SHROOM2: variants seen among roughly 807,000 people sequenced by gnomAD.
SHROOM2 encodes the protein shroom family member 2.
In SHROOM2, 33 loss-of-function variants were observed where a neutral mutation model predicts 75.9. The ratio of observed to expected loss-of-function variants is 0.43; its 90% CI spans 0.33 to 0.58. The LOEUF (loss-of-function observed/expected upper bound fraction) is 0.58, where lower values mean the gene tolerates loss of function less well. Ranked by LOEUF, SHROOM2 falls within the 20% of genes least tolerant of loss-of-function variation. The pLI is 0.04. For missense variants in SHROOM2, 1,434 were observed against 1,461.2 expected (o/e 0.98, Z 0.30); for synonymous variants, 655 against 663.6 (o/e 0.99, Z 0.20).
At chrX:9,853,657 G>A (rs188427013) in intron 1 of SHROOM2, among the ~76,000 whole-genome samples, 1 of 111,754 alleles carries the variant, frequency 8.9e-6, no homozygotes, top group Admixed American at 9.5e-5. Context: ...TTGGATTAGG[G>A]CCCTCCCTAA....
rs374319773 is a variant in SHROOM2, at chrX:9,946,838, C to T, written c.4752C>T (p.Ala1584=). Reference sequence around the variant, plus strand: ...AGCACTTCGTGAAGATGAAGTCGGCCCTCATCATCGAGCAGCGGGAGCTGG... The same window carrying T: ...AGCACTTCGTGAAGATGAAGTCGGCTCTCATCATCGAGCAGCGGGAGCTGG... The part of the protein sequence containing the change: ...DYEHFVKMKS[A]LIIEQRELED... The change falls in exon 10 of 10, where the codon GCC becomes GCT. Residue 1584 remains alanine (A), a synonymous_variant. Coordinates refer to ENST00000380913, the MANE Select transcript of SHROOM2 (RefSeq NM_001649.4). The T allele has an allele frequency of 4.2e-6, 5 of 1,199,462 alleles. No homozygotes were observed. The highest frequency in any genetic ancestry group is 5.6e-6 in the Non-Finnish European group (5 of 889,421).
rs777209748 is a variant in SHROOM2 at position 9,946,922 on chromosome X, C to T, written c.4836C>T (p.Pro1612=). 1.0e-5 allele frequency: 12 copies of T among 1,194,041 alleles called. No homozygotes were observed. The highest frequency in any genetic ancestry group is 9.1e-5 in the East Asian group (3 of 33,126). ...AGTGCTTATTGGACAGCCTTCAGCC[C>T]GAAAGGGGCAAATAAGAGACCAGTC... The part of the protein sequence containing the change: ...QLKCLLDSLQ[P]ERGK Residue 1612 remains proline (P), a synonymous_variant, in exon 10 of 10, where the codon CCC becomes CCT. Transcript: ENST00000380913.
At chrX:9,805,283 T>A (rs1014442107) in intron 1 of SHROOM2, among the ~76,000 whole-genome samples, 5 of 112,394 alleles carry the variant, frequency 4.4e-5, no homozygotes, top group Admixed American at 9.4e-5. Flanking sequence ...CCAAGTAGCA[T>A]CTGCCAAATC....
chrX:9,896,294 G>T lies in SHROOM2; in HGVS notation c.2386G>T (p.Asp796Tyr). 8.2e-7 allele frequency: 1 copy of T among 1,212,311 alleles called. No individual in the cohort carries two copies. Among genetic ancestry groups the T allele is most frequent in the Non-Finnish European group, 1.1e-6 (1 of 895,611 alleles). The change falls in exon 4 of 10, where the codon GAC becomes TAC. Residue 796 changes from aspartate (D) to tyrosine (Y), a missense_variant. Around this residue, in one of 3 missense-constraint regions of SHROOM2, gnomAD observed 1,340 missense variants for 1,338.3 expected, o/e 1.00. Transcript: ENST00000380913. ...TSEDTVGTFA[D>Y]RWKFFEETSK... ...TGAGGATACTGTGGGCACGTTTGCT[G>T]ACAGGTGGAAGTTTTTTGAGGAAAC...
At chrX:9,921,145 G>A (rs1480067592) in intron 5 of SHROOM2, among the ~76,000 whole-genome samples, 1 of 111,134 alleles carries the variant, frequency 9.0e-6, no homozygotes, top group Non-Finnish European at 1.9e-5. Flanking sequence ...ATGGATCTCC[G>A]TATAGGGCTG....
In SHROOM2 at chrX:9,937,494, G is replaced by A. The variant is rs201847453; in HGVS notation, c.3948G>A (p.Ser1316=). 80 of 1,209,904 alleles carry A rather than the reference G, an allele frequency of 6.6e-5. 1 individual carries two copies. In the South Asian group the frequency reaches 7.9e-4, roughly 12 times the overall value. Reference sequence around the variant, plus strand: ...AGAAGACTGTGGAAGACCTGAAGTCGGAGGAGCTGGCCAGGGAGATCGTGG... The same window carrying A: ...AGAAGACTGTGGAAGACCTGAAGTCAGAGGAGCTGGCCAGGGAGATCGTGG... ...AKEKTVEDLK[S]EELAREIVGK... The change falls in exon 7 of 10, where the codon TCG becomes TCA. Residue 1316 remains serine, a synonymous_variant. Transcript: ENST00000380913.
intron 1 of SHROOM2, chrX:9,818,807 G>A (rs766720248): frequency 2.1e-5 from 10 of 480,907 alleles, no homozygotes; most frequent in South Asian, 3.1e-5. Flanking sequence ...ATGTTGGCCC[G>A]CTCCTCAACT....
At chrX:9,812,746 G>A (rs753576291) in intron 1 of SHROOM2, among the ~76,000 whole-genome samples, 54 of 112,386 alleles carry the variant, frequency 4.8e-4, no homozygotes, top group Non-Finnish European at 9.8e-4. Flanking sequence ...ACAAGATTAT[G>A]ACACAAAGCT....
intron 1 of SHROOM2, among the ~76,000 whole-genome samples, chrX:9,864,068 C>A (rs933826107): frequency 9.0e-6 from 1 of 110,779 alleles, no homozygotes; most frequent in Non-Finnish European, 1.9e-5. Flanking sequence ...TTTAGGAGCA[C>A]GAGTCTGTCT....
chrX:9,861,896 G>T (rs1353621765), intron 1 of SHROOM2, among the ~76,000 whole-genome samples: 1 of 111,643 alleles, frequency 9.0e-6, no homozygotes, highest in African/African-American at 3.3e-5. Flanking sequence ...AGGGGATCCT[G>T]TGCATGTCTG....
At chrX:9,880,951 G>A (rs773891525) in intron 2 of SHROOM2, among the ~76,000 whole-genome samples, 1 of 111,326 alleles carries the variant, frequency 9.0e-6, no homozygotes, top group Non-Finnish European at 1.9e-5. Flanking sequence ...TGATAACTTG[G>A]TTTTATTGTT....
chrX:9,859,520 T>TG (rs1301596432), intron 1 of SHROOM2, among the ~76,000 whole-genome samples: 64 of 111,632 alleles, frequency 5.7e-4, no homozygotes, highest in African/African-American at 2.0e-3. Context: ...CTAGGGAGGC[T>TG]GGGAGATGTA....
chrX:9,889,692 G>C (rs4830670), intron 2 of SHROOM2, among the ~76,000 whole-genome samples: 1,381 of 112,300 alleles, frequency 0.012, 30 homozygotes, highest in African/African-American at 0.042. Flanking sequence ...ATATTCAGGA[G>C]CCCTGGCTGA....
intron 1 of SHROOM2, among the ~76,000 whole-genome samples, chrX:9,802,534 C>T (rs1037621166): frequency 1.8e-5 from 2 of 111,260 alleles, no homozygotes; most frequent in African/African-American, 6.5e-5. Context: ...CCCTAACTGT[C>T]CATCCCCAGT....
intron 5 of SHROOM2, among the ~76,000 whole-genome samples, chrX:9,909,588 T>C (rs1467757373): frequency 2.7e-5 from 3 of 112,232 alleles, no homozygotes; most frequent in Non-Finnish European, 3.8e-5. Context: ...ATTGACAGCA[T>C]GCCCCTTGAT....
At position 9,797,453 on chromosome X, in the gene SHROOM2, A is replaced by T. The variant is rs147539268; in HGVS notation, c.165+10743A>T. The stretch of plus-strand genomic sequence containing the variant: ...TTCTCACAAATGAAATGCTGGGAGA[A>T]ATCAGAAGTTTTCCTTCTAGCAAAT... On this transcript the variant is annotated intron_variant, in intron 1 of 9. Transcript: ENST00000380913. Among the ~76,000 whole-genome samples the T allele has an allele frequency of 5.7e-3, 639 of 112,687 alleles. 6 individuals are homozygous for T. Among genetic ancestry groups the T allele is most frequent in the African/African-American group, 0.019 (605 of 31,071 alleles).
intron 1 of SHROOM2, among the ~76,000 whole-genome samples, chrX:9,800,958 G>A (rs1487627754): frequency 1.8e-5 from 2 of 111,279 alleles, no homozygotes; most frequent in Admixed American, 9.6e-5. Context: ...TTCCACCCTC[G>A]TTTGCCAGTA....
intron 5 of SHROOM2, chrX:9,912,550 C>T (rs1050187058): frequency 9.9e-5 from 11 of 111,585 alleles, no homozygotes; most frequent in Non-Finnish European, 3.8e-5. Context: ...TGAAGCACAT[C>T]GCTGCCTTCA....
chrX:9,841,462 A>G (rs1434211868), intron 1 of SHROOM2, among the ~76,000 whole-genome samples: 1 of 111,606 alleles, frequency 9.0e-6, no homozygotes, highest in Non-Finnish European at 1.9e-5. Flanking sequence ...GCCATCTAAC[A>G]TTCCTAGGAA....
Sources: allele counts gnomAD v4.1 joint callset (sites outside exome capture counted in the v4.1 genomes callset), GRCh38; gene constraint gnomAD v4.1.1; regional missense constraint gnomAD v4.1.1; transcripts MANE v1.5; gene names NCBI Gene and HGNC (gene_info 2026-07-23, HGNC 2026-07-21).